Variants in LOXL2 observed in about 807,000 individuals in gnomAD.
LOXL2 encodes lysyl oxidase homolog 2.
LOXL2 carries 70 observed loss-of-function variants against 93.0 expected under a neutral mutation model. The observed-to-expected ratio is 0.75, with a 90% CI of 0.62 to 0.92. The LOEUF (loss-of-function observed/expected upper bound fraction) is 0.92. Ranked by LOEUF, LOXL2 falls within the 40% of genes least tolerant of loss-of-function variation. The pLI is 0.00. For missense variants in LOXL2, 973 were observed against 1,054.9 expected (o/e 0.92, Z 1.08); for synonymous variants, 438 against 413.2 (o/e 1.06, Z -0.73).
intron 3 of LOXL2, among the ~76,000 whole-genome samples, chr8:23,359,104 G>A (rs950575374): frequency 2.4e-4 from 36 of 151,468 alleles, no homozygotes; most frequent in African/African-American, 7.0e-4. Context: ...TGCCCGCCTC[G>A]GCCTCCCAAA....
At chr8:23,300,559 A>G (rs934004595) in intron 12 of LOXL2, among the ~76,000 whole-genome samples, 2 of 152,232 alleles carry the variant, frequency 1.3e-5, no homozygotes, top group African/African-American at 4.8e-5. Context: ...TGGCACCTAA[A>G]GAAGCTCCAT....
chr8:23,373,545 G>A (rs1804536939), intron 1 of LOXL2, among the ~76,000 whole-genome samples: 1 of 152,168 alleles, frequency 6.6e-6, no homozygotes, highest in African/African-American at 2.4e-5. Flanking sequence ...CCATCTTGTG[G>A]AAATTAAAGA....
intron 3 of LOXL2, among the ~76,000 whole-genome samples, chr8:23,344,624 T>C (rs953178848): frequency 1.3e-5 from 2 of 152,016 alleles, no homozygotes; most frequent in Non-Finnish European, 2.9e-5. Flanking sequence ...GATGTATGCA[T>C]GACAGGGTTG....
At chr8:23,402,115 CAT>C (rs989917466) in intron 1 of LOXL2, among the ~76,000 whole-genome samples, 12 of 152,216 alleles carry the variant, frequency 7.9e-5, no homozygotes, top group African/African-American at 2.9e-4. Context: ...CACAAATACA[CAT>C]ATACACATAC....
At chr8:23,347,898 T>A (rs1804020423) in intron 3 of LOXL2, among the ~76,000 whole-genome samples, 1 of 152,146 alleles carries the variant, frequency 6.6e-6, no homozygotes, top group Admixed American at 6.5e-5. Flanking sequence ...TAAAGACACT[T>A]GCACATGTAT....
chr8:23,374,274 T>A (rs1490755200), intron 1 of LOXL2, among the ~76,000 whole-genome samples: 1 of 152,180 alleles, frequency 6.6e-6, no homozygotes, highest in East Asian at 1.9e-4. Flanking sequence ...AAAAAGGACA[T>A]GAACTCATCC....
intron 10 of LOXL2, 134 bp downstream of exon 10, chr8:23,309,534 C>G (rs972812151): frequency 1.9e-6 from 2 of 1,079,402 alleles, no homozygotes; most frequent in Non-Finnish European, 2.4e-6. Flanking sequence ...GCAAGCCCCC[C>G]ACTTAGGAGG....
At chr8:23,302,208 C>T (rs1220097163) in intron 11 of LOXL2, 45 bp from the exon 12 acceptor site, 3 of 1,608,356 alleles carry the variant, frequency 1.9e-6, no homozygotes, top group African/African-American at 1.3e-5. Flanking sequence ...GAACCATGGC[C>T]CCACTGCCGC....
chr8:23,340,857 G>T, intron 4 of LOXL2, 135 bp downstream of exon 4: 1 of 802,830 alleles, frequency 1.2e-6, no homozygotes. Flanking sequence ...GGGGCTCTGT[G>T]CAGGCTGCCT....
chr8:23,297,741 T>G lies in LOXL2; in HGVS notation c.*302A>C, dbSNP rs1445164316. On this transcript the variant is annotated 3_prime_UTR_variant, in exon 14 of 14. Coordinates refer to ENST00000389131, the MANE Select transcript of LOXL2 (RefSeq NM_002318.3). The stretch of plus-strand genomic sequence containing the variant: ...CGGTGGCTTGAATGGGACAAGCTGA[T>G]GACAACCTGTCTGTGGGCCTCATCC... 6.4e-6 allele frequency: 2 copies of G among 313,334 alleles called. No individual in the cohort carries two copies. The highest frequency in any genetic ancestry group is 1.2e-5 in the Non-Finnish European group (2 of 167,652). The allele number at this position is 313,334 out of a possible 1,614,324, so 19.4% of individuals were successfully genotyped here. A position where few individuals can be genotyped will look rare whatever the true frequency, so the allele number is the denominator to read the frequency against.
At chr8:23,374,911 T>C (rs1804562637) in intron 1 of LOXL2, among the ~76,000 whole-genome samples, 4 of 152,234 alleles carry the variant, frequency 2.6e-5, no homozygotes, top group African/African-American at 7.2e-5. Flanking sequence ...TTCACTCTGA[T>C]GGTAGTTTCT....
chr8:23,366,729 G>A (rs1804407472), intron 2 of LOXL2, among the ~76,000 whole-genome samples: 2 of 152,230 alleles, frequency 1.3e-5, no homozygotes, highest in African/African-American at 4.8e-5. Context: ...CTGAGGTCTG[G>A]GCTGCAGCTC....
At chr8:23,387,938 A>G (rs1297809586) in intron 1 of LOXL2, among the ~76,000 whole-genome samples, 1 of 152,244 alleles carries the variant, frequency 6.6e-6, no homozygotes, top group Non-Finnish European at 1.5e-5. Context: ...GACAAGAGCG[A>G]GACTCTGTCT....
chr8:23,381,403 A>G (rs10866825), intron 1 of LOXL2, among the ~76,000 whole-genome samples: 114,610 of 152,106 alleles, frequency 0.75, 43,938 homozygotes, highest in African/African-American at 0.88. Context: ...TATATGAACC[A>G]CCTTCCAGAA....
intron 12 of LOXL2, 128 bp from the exon 13 acceptor site, chr8:23,299,075 G>A (rs954202097): frequency 8.0e-6 from 5 of 622,444 alleles, no homozygotes; most frequent in Non-Finnish European, 1.5e-5. Flanking sequence ...CAAGACGGGG[G>A]TCTGTGGGTC....
chr8:23,318,460 C>CACACACACAA (rs774304581), intron 8 of LOXL2, among the ~76,000 whole-genome samples: 9 of 108,996 alleles, frequency 8.3e-5, no homozygotes, highest in African/African-American at 4.0e-4. Flanking sequence ...CACACACACA[C>CACACACACAA]AAAAATACAC....
chr8:23,303,315 T>C lies in LOXL2; in HGVS notation c.1963A>G (p.Ser655Gly). ...GTKVAEGHKA[S>G]FCLEDTECEG... ...CATTCTGTGTCCTCCAAGCAGAAGC[T>C]GGCCTTGTGGCCCTCTGCCACCTTG... Residue 655 changes from serine (S) to glycine (G), a missense_variant, in exon 11 of 14, where the codon AGC (serine) becomes GGC (glycine). Physicochemically the swap from Ser to Gly is moderately conservative, Grantham distance 56. Transcript: ENST00000389131. The C allele has an allele frequency of 2.5e-6, 4 of 1,613,570 alleles. No homozygotes were observed. The highest frequency in any genetic ancestry group is 3.4e-6 in the Non-Finnish European group (4 of 1,179,730).
chr8:23,356,434 C>G (rs1804199474), intron 3 of LOXL2, among the ~76,000 whole-genome samples: 1 of 152,210 alleles, frequency 6.6e-6, no homozygotes, highest in Non-Finnish European at 1.5e-5. Flanking sequence ...GTCTCAGCAT[C>G]CCATAAATAT....
intron 3 of LOXL2, among the ~76,000 whole-genome samples, chr8:23,352,269 C>T (rs116071814): frequency 0.056 from 8,476 of 152,198 alleles, 227 homozygotes; most frequent in Admixed American, 0.083. Context: ...CTGAAAAGTC[C>T]GGCACAAACT....
Sources: allele counts gnomAD v4.1 joint callset (sites outside exome capture counted in the v4.1 genomes callset), GRCh38; gene constraint gnomAD v4.1.1; transcripts MANE v1.5; gene names NCBI Gene and HGNC (gene_info 2026-07-23, HGNC 2026-07-21).